Variants in CRACD observed in about 807,000 individuals in gnomAD.
The protein encoded by CRACD is capping protein-inhibiting regulator of actin dynamics.
CRACD carries 56 observed loss-of-function variants against 106.8 expected under a neutral mutation model. The ratio of observed to expected loss-of-function variants is 0.52; its 90% CI spans 0.42 to 0.66. The LOEUF (loss-of-function observed/expected upper bound fraction) is 0.66. Ranked by LOEUF, CRACD falls within the 30% of genes least tolerant of loss-of-function variation. CRACD has a pLI of 0.00. For synonymous variants in CRACD, 754 were observed against 670.8 expected (o/e 1.12, Z -1.92); for missense variants, 1,730 against 1,623.2 (o/e 1.07, Z -1.13).
intron 1 of CRACD, among the ~76,000 whole-genome samples, chr4:56,134,227 C>T (rs1331945401): frequency 4.0e-5 from 6 of 151,730 alleles, no homozygotes; most frequent in African/African-American, 1.5e-4. Flanking sequence ...GAAATCGACT[C>T]AGAAGGGTAG....
At chr4:56,144,720 A>G (rs1302716737) in intron 1 of CRACD, among the ~76,000 whole-genome samples, 7 of 151,662 alleles carry the variant, frequency 4.6e-5, no homozygotes, top group Admixed American at 1.3e-4. Context: ...CAGTGGCACA[A>G]TCTCAGCTCA....
chr4:56,119,997 C>T (rs574865021), intron 1 of CRACD, among the ~76,000 whole-genome samples: 25 of 152,234 alleles, frequency 1.6e-4, no homozygotes, highest in East Asian at 5.8e-4. Flanking sequence ...TACCCCTTGT[C>T]GTTTATCTAA....
chr4:56,149,639 T>C (rs2109888516), intron 1 of CRACD, among the ~76,000 whole-genome samples: 1 of 152,340 alleles, frequency 6.6e-6, no homozygotes, highest in East Asian at 1.9e-4. Flanking sequence ...GCGATGATTT[T>C]TGTTCAAAGT....
At chr4:56,246,661 G>A (rs1277210748) in intron 2 of CRACD, 1 of 152,398 alleles carries the variant, frequency 6.6e-6, no homozygotes, top group South Asian at 2.1e-4. Flanking sequence ...TTTACCAGGT[G>A]GAAGAATCTC....
intron 1 of CRACD, among the ~76,000 whole-genome samples, chr4:56,087,956 G>A (rs1041198586): frequency 1.3e-5 from 2 of 151,460 alleles, no homozygotes; most frequent in Non-Finnish European, 2.9e-5. Context: ...TTTCTCTTTT[G>A]TTTCCCCTTA....
At chr4:56,081,386 T>A (rs377681279) in intron 1 of CRACD, among the ~76,000 whole-genome samples, 1 of 152,222 alleles carries the variant, frequency 6.6e-6, no homozygotes, top group Non-Finnish European at 1.5e-5. Flanking sequence ...GTGTGTGTGT[T>A]GTCTGCCCTT....
rs566765737 is a variant in CRACD, at chr4:56,257,079, C to CTTTT, written c.-188-15225_-188-15222dup. On this transcript the variant is annotated intron_variant, in intron 2 of 10. Transcript: ENST00000682029. ...TTACCCTGCAGTATATTTTGATGTTCTTTTTTTTTTTTTTTTTTTTGAGAT... is the reference window on the plus strand; with the variant it reads ...TTACCCTGCAGTATATTTTGATGTTCTTTTTTTTTTTTTTTTTTTTTTTTGAGAT... Among the ~76,000 whole-genome samples the CTTTT allele has an allele frequency of 1.2e-4, 14 of 114,492 alleles. 1 individual carries two copies. The highest frequency in any genetic ancestry group is 2.0e-4 in the African/African-American group (6 of 30,550). 75.1% of individuals were successfully genotyped at this position (114,492 alleles called of 152,430 possible). A position where few individuals can be genotyped will look rare whatever the true frequency, so the allele number is the denominator to read the frequency against.
At position 56,314,855 on chromosome 4, in the gene CRACD, C is replaced by T. The variant is rs1240562903; in HGVS notation, c.1353C>T (p.Cys451=). The T allele has an allele frequency of 2.5e-6, 4 of 1,611,842 alleles. No individual in the cohort carries two copies. The African/African-American group carries it at 4.0e-5, about 16-fold the overall frequency. The change falls in exon 8 of 11, where the codon TGC becomes TGT. Residue 451 remains cysteine, a synonymous_variant. Transcript: ENST00000682029. This position sits in a 1 kb window ranked among gnomAD's most constrained non-coding sequence, Gnocchi z 4.4. ...AACACTCCGAGGAGCCAGGTATTTG[C>T]GAGGAGCAGAACCCAGAGGCCGAGC... ...QREHSEEPGI[C]EEQNPEAERR... is the part of the protein sequence containing the mutation.
chr4:56,267,581 T>C (rs967146456), intron 2 of CRACD, among the ~76,000 whole-genome samples: 5 of 152,180 alleles, frequency 3.3e-5, no homozygotes, highest in Non-Finnish European at 7.3e-5. Context: ...AGTCCTCCTT[T>C]GAAGGGAAAT....
At chr4:56,216,586 C>T (rs1738694631) in intron 2 of CRACD, among the ~76,000 whole-genome samples, 1 of 152,086 alleles carries the variant, frequency 6.6e-6, no homozygotes, top group South Asian at 2.1e-4. Context: ...GTGTGTGTGA[C>T]TGTGTTCCAT....
intron 1 of CRACD, among the ~76,000 whole-genome samples, chr4:56,083,036 G>A (rs1733091592): frequency 6.6e-6 from 1 of 152,072 alleles, no homozygotes; most frequent in Non-Finnish European, 1.5e-5. Context: ...GAGAGAAGGG[G>A]CAAGCACACT....
chr4:56,233,404 G>A (rs373710195), intron 2 of CRACD, among the ~76,000 whole-genome samples: 2 of 152,222 alleles, frequency 1.3e-5, no homozygotes, highest in East Asian at 3.9e-4. Context: ...ACTGTGCATA[G>A]GAATATACAG....
At chr4:56,234,955 G>A (rs1739876399) in intron 2 of CRACD, among the ~76,000 whole-genome samples, 1 of 152,212 alleles carries the variant, frequency 6.6e-6, no homozygotes, top group South Asian at 2.1e-4. Flanking sequence ...ATTTAAGCAA[G>A]ATACACCTTC....
At chr4:56,254,621 C>A (rs1367149206) in intron 2 of CRACD, among the ~76,000 whole-genome samples, 1 of 151,992 alleles carries the variant, frequency 6.6e-6, no homozygotes, top group African/African-American at 2.4e-5. Flanking sequence ...TGACCCTGGC[C>A]CACTTCCCAC....
At chr4:56,089,509 A>AT (rs761380094) in intron 1 of CRACD, among the ~76,000 whole-genome samples, 9,055 of 124,298 alleles carry the variant, frequency 0.073, 520 homozygotes, top group African/African-American at 0.13. Flanking sequence ...GTATTATAGG[A>AT]TTTTTTTTTT....
At chr4:56,147,986 G>A (rs888774671) in intron 1 of CRACD, among the ~76,000 whole-genome samples, 2 of 152,186 alleles carry the variant, frequency 1.3e-5, no homozygotes, top group African/African-American at 4.8e-5. Context: ...CTTATAATGA[G>A]AAAGGTCAGA....
At chr4:56,184,685 C>T (rs1388875657) in intron 2 of CRACD, among the ~76,000 whole-genome samples, 1 of 152,200 alleles carries the variant, frequency 6.6e-6, no homozygotes. Context: ...GTTTGAATTA[C>T]TTCTCTGCTA....
chr4:56,190,293 T>TATGTTTATACACATAAACATA (rs551587815), intron 2 of CRACD, among the ~76,000 whole-genome samples: 164 of 152,250 alleles, frequency 1.1e-3, no homozygotes, highest in African/African-American at 3.7e-3. Context: ...TGTGCATGTG[T>TATGTTTATACACATAAACATA]CTTTATAGCT....
intron 1 of CRACD, among the ~76,000 whole-genome samples, chr4:56,083,807 C>G (rs1733121385): frequency 6.6e-6 from 1 of 151,986 alleles, no homozygotes; most frequent in African/African-American, 2.4e-5. Flanking sequence ...GAAACCCCAT[C>G]TCTACAAAAA....
Sources: allele counts gnomAD v4.1 joint callset (sites outside exome capture counted in the v4.1 genomes callset), GRCh38; gene constraint gnomAD v4.1.1; non-coding constraint Gnocchi (gnomAD v3.1); transcripts MANE v1.5; gene names NCBI Gene and HGNC (gene_info 2026-07-23, HGNC 2026-07-21).